Variants in KIAA0825 observed in about 807,000 individuals in gnomAD.
KIAA0825 encodes the protein uncharacterized protein KIAA0825.
In KIAA0825, 119 loss-of-function variants were observed where a neutral mutation model predicts 147.6. The observed-to-expected ratio is 0.81, with a 90% confidence interval of 0.69 to 0.94. The LOEUF (loss-of-function observed/expected upper bound fraction) is 0.94, where lower values mean the gene tolerates loss of function less well. Among genes scored for constraint, KIAA0825 ranks in the 40% least tolerant of loss-of-function variants. KIAA0825 has a pLI of 0.00. For synonymous variants in KIAA0825, 470 were observed against 518.1 expected (o/e 0.91, Z 1.26); for missense variants, 1,381 against 1,472.7 (o/e 0.94, Z 1.02).
intron 16 of KIAA0825, among the ~76,000 whole-genome samples, chr5:94,399,715 A>G (rs996788048): frequency 1.3e-5 from 2 of 152,114 alleles, no homozygotes; most frequent in African/African-American, 4.8e-5. Flanking sequence ...GTATGAAGAA[A>G]ATCTATGTCT....
At chr5:94,232,139 C>T (rs1206141664) in intron 20 of KIAA0825, among the ~76,000 whole-genome samples, 1 of 152,022 alleles carries the variant, frequency 6.6e-6, no homozygotes, top group East Asian at 1.9e-4. Flanking sequence ...GAATTGTAGG[C>T]ATTCATTTAA....
chr5:94,315,735 T>C (rs1779597678), intron 20 of KIAA0825, among the ~76,000 whole-genome samples: 1 of 151,760 alleles, frequency 6.6e-6, no homozygotes, highest in South Asian at 2.1e-4. Context: ...ATGTGGGGCT[T>C]AGAGAACAAT....
chr5:94,533,213 C>T (rs1209579651), intron 3 of KIAA0825, among the ~76,000 whole-genome samples: 6 of 150,608 alleles, frequency 4.0e-5, no homozygotes, highest in Admixed American at 3.3e-4. Flanking sequence ...CTCCTCACCT[C>T]GTGATCCGCC....
chr5:94,573,353 C>T (rs898623796), intron 2 of KIAA0825, among the ~76,000 whole-genome samples: 1 of 150,700 alleles, frequency 6.6e-6, no homozygotes. Flanking sequence ...TCACTGCAAC[C>T]TTCACCTCCC....
chr5:94,506,905 T>TG (rs1469165106), intron 5 of KIAA0825, among the ~76,000 whole-genome samples: 1 of 152,152 alleles, frequency 6.6e-6, no homozygotes, highest in African/African-American at 2.4e-5. Flanking sequence ...TTGTAATTCT[T>TG]ATGATGATGA....
chr5:94,262,035 A>G (rs1368191748), intron 20 of KIAA0825, among the ~76,000 whole-genome samples: 2 of 152,168 alleles, frequency 1.3e-5, no homozygotes, highest in Non-Finnish European at 2.9e-5. Context: ...CCCCAATAAA[A>G]TAAAATAGGT....
At chr5:94,321,046 C>T (rs1217899998) in intron 20 of KIAA0825, among the ~76,000 whole-genome samples, 6 of 151,954 alleles carry the variant, frequency 3.9e-5, no homozygotes, top group Admixed American at 2.0e-4. Flanking sequence ...TGTAACTTTT[C>T]CTAGTGAGAT....
In KIAA0825 at chr5:94,256,870, A is replaced by C. The variant is rs141248420; in HGVS notation, c.3711-102746T>G. On this transcript the variant is annotated intron_variant, in intron 20 of 20. Coordinates refer to ENST00000682413, the MANE Select transcript of KIAA0825 (RefSeq NM_001145678.3). Reference sequence around the variant, plus strand: ...CTGTTTCAAAAGAGAGGTAAGAACCACTACTCTAAATTTTTATCTTGTGTT... The same window carrying C: ...CTGTTTCAAAAGAGAGGTAAGAACCCCTACTCTAAATTTTTATCTTGTGTT... Among the ~76,000 whole-genome samples, 331 of 152,270 alleles carry C rather than the reference A, an allele frequency of 2.2e-3. 1 individual carries two copies. Among genetic ancestry groups the C allele is most frequent in the African/African-American group, 7.8e-3 (323 of 41,568 alleles).
At chr5:94,260,119 C>T (rs1180082757) in intron 20 of KIAA0825, among the ~76,000 whole-genome samples, 3 of 151,906 alleles carry the variant, frequency 2.0e-5, no homozygotes, top group Non-Finnish European at 1.5e-5. Context: ...GTAATATATC[C>T]CACCAGGACT....
intron 14 of KIAA0825, among the ~76,000 whole-genome samples, chr5:94,430,750 G>A (rs1432856196): frequency 6.6e-6 from 1 of 152,160 alleles, no homozygotes; most frequent in Non-Finnish European, 1.5e-5. Flanking sequence ...TAGACATTTT[G>A]TAAGTTTCAG....
chr5:94,249,643 T>G (rs965555072), intron 20 of KIAA0825, among the ~76,000 whole-genome samples: 2 of 152,078 alleles, frequency 1.3e-5, no homozygotes, highest in African/African-American at 4.8e-5. Flanking sequence ...TTCTCTCTGT[T>G]TGGAATGCTC....
chr5:94,386,127 C>T, intron 19 of KIAA0825, 115 bp downstream of exon 19: 1 of 828,962 alleles, frequency 1.2e-6, no homozygotes, highest in Non-Finnish European at 1.9e-6. Context: ...AAGAACAAGG[C>T]CTTTTGCTTC....
chr5:94,381,558 A>G (rs538370434), intron 20 of KIAA0825, among the ~76,000 whole-genome samples: 2 of 152,298 alleles, frequency 1.3e-5, no homozygotes, highest in African/African-American at 4.8e-5. Flanking sequence ...ACACCATTTT[A>G]TATCAGGGAC....
At position 94,152,852 on chromosome 5, in the gene KIAA0825, AAAATTATATATATATAT is replaced by A. The variant is rs1562284028; in HGVS notation, c.*1138_*1154del. On this transcript the variant is annotated 3_prime_UTR_variant, in exon 21 of 21. Transcript: ENST00000682413. ...AAAAAAAAAAAAAAAAAAAAAAAAAAAAATTATATATATATATATATATATATATATATATATATATA... is the reference window on the plus strand; with the variant it reads ...AAAAAAAAAAAAAAAAAAAAAAAAAAATATATATATATATATATATATATA... 1.3e-4 allele frequency: 2 copies of A among 15,526 alleles called. No individual in the cohort carries two copies. Among genetic ancestry groups the A allele is most frequent in the African/African-American group, 4.4e-4 (2 of 4,558 alleles). The allele number at this position is 15,526 out of a possible 1,614,324, so 1.0% of individuals were successfully genotyped here. A position where few individuals can be genotyped will look rare whatever the true frequency, so the allele number is the denominator to read the frequency against.
intron 20 of KIAA0825, among the ~76,000 whole-genome samples, chr5:94,160,090 G>A (rs1767411011): frequency 6.6e-6 from 1 of 152,066 alleles, no homozygotes; most frequent in African/African-American, 2.4e-5. Flanking sequence ...TTTTCAGAGG[G>A]AGGTTCAAAT....
In KIAA0825 at chr5:94,294,291, G is replaced by A. The variant is rs575524811; in HGVS notation, c.3710+90077C>T. 3.9e-5 allele frequency among the ~76,000 whole-genome samples: 6 copies of A among 152,272 alleles called. 1 individual carries two copies. The East Asian group carries it at 1.2e-3, about 29-fold the overall frequency. ...CTGGTTTTTCCTTTCCATATTTAGT[G>A]CTTCTTTCAGGAGCTCTTGTAAGGC... On this transcript the variant is annotated intron_variant, in intron 20 of 20. Coordinates refer to ENST00000682413, the MANE Select transcript of KIAA0825 (RefSeq NM_001145678.3).
chr5:94,386,503 G>A, intron 18 of KIAA0825, 99 bp from the exon 19 acceptor site: 1 of 983,710 alleles, frequency 1.0e-6, no homozygotes, highest in Non-Finnish European at 1.5e-6. Context: ...CAGCACATTT[G>A]CTAGATTACA....
intron 20 of KIAA0825, among the ~76,000 whole-genome samples, chr5:94,315,881 CTGT>C (rs1171608228): frequency 5.3e-5 from 8 of 151,698 alleles, no homozygotes; most frequent in African/African-American, 1.9e-4. Context: ...CTCTTTGTAT[CTGT>C]TGTTCACGGT....
intron 2 of KIAA0825, among the ~76,000 whole-genome samples, chr5:94,562,098 AGG>A (rs1777658960): frequency 6.6e-6 from 1 of 152,162 alleles, no homozygotes; most frequent in Admixed American, 6.5e-5. Flanking sequence ...CTACAAAAAA[AGG>A]ATGTTAGATA....
Sources: allele counts gnomAD v4.1 joint callset (sites outside exome capture counted in the v4.1 genomes callset), GRCh38; gene constraint gnomAD v4.1.1; transcripts MANE v1.5; gene names NCBI Gene and HGNC (gene_info 2026-07-23, HGNC 2026-07-21).